Variants in PTN observed in about 807,000 individuals in gnomAD.
PTN encodes the protein heparin affin regulatory protein.
In PTN, 18 loss-of-function variants were observed where a neutral mutation model predicts 24.1. That is an observed-to-expected ratio of 0.75 (90% CI 0.52 to 1.11). PTN has a LOEUF of 1.11. Ranked by LOEUF, PTN falls within the 50% of genes least tolerant of loss-of-function variation. The pLI, the probability that PTN is intolerant of heterozygous loss-of-function variation, is 0.00. For missense variants in PTN, 163 were observed against 198.8 expected (o/e 0.82, Z 1.08); for synonymous variants, 78 against 68.6 (o/e 1.14, Z -0.67).
At chr7:137,284,386 T>G (rs977064436) in intron 1 of PTN, among the ~76,000 whole-genome samples, 2 of 152,126 alleles carry the variant, frequency 1.3e-5, no homozygotes, top group African/African-American at 2.4e-5. Flanking sequence ...TTTTCTTTCT[T>G]TTTTTCTAAC....
chr7:137,271,531 G>A (rs1270971179), intron 1 of PTN, among the ~76,000 whole-genome samples: 1 of 152,278 alleles, frequency 6.6e-6, no homozygotes, highest in East Asian at 1.9e-4. Context: ...AATACACTGG[G>A]TTTTCTCTTT....
At chr7:137,307,919 T>A (rs1473812278) in intron 1 of PTN, among the ~76,000 whole-genome samples, 1 of 152,114 alleles carries the variant, frequency 6.6e-6, no homozygotes, top group Non-Finnish European at 1.5e-5. Flanking sequence ...ATGCCATGAG[T>A]GAGAGGGAAA....
chr7:137,246,348 A>C (rs1470335448), intron 4 of PTN, among the ~76,000 whole-genome samples: 1 of 152,124 alleles, frequency 6.6e-6, no homozygotes, highest in African/African-American at 2.4e-5. Context: ...GCCTAGGGGC[A>C]CAGTAGGCTA....
At chr7:137,280,138 C>T (rs944142255) in intron 1 of PTN, among the ~76,000 whole-genome samples, 10 of 152,106 alleles carry the variant, frequency 6.6e-5, no homozygotes, top group Non-Finnish European at 1.5e-4. Context: ...AAGCATCTGA[C>T]ATATGTTAAA....
At chr7:137,247,933 T>C (rs1181219906) in intron 4 of PTN, among the ~76,000 whole-genome samples, 1 of 152,214 alleles carries the variant, frequency 6.6e-6, no homozygotes, top group Non-Finnish European at 1.5e-5. Context: ...AATTTAGAGT[T>C]AGACAAATCT....
intron 4 of PTN, among the ~76,000 whole-genome samples, chr7:137,230,031 T>A (rs181166722): frequency 1.3e-5 from 2 of 151,818 alleles, no homozygotes; most frequent in African/African-American, 4.8e-5. Context: ...CAGGAACTTG[T>A]TATCTTCTAG....
intron 1 of PTN, among the ~76,000 whole-genome samples, chr7:137,285,512 A>C (rs1809539204): frequency 6.6e-6 from 1 of 152,156 alleles, no homozygotes; most frequent in Admixed American, 6.5e-5. Context: ...CTAAAAATAC[A>C]AAAATTAGCC....
intron 1 of PTN, among the ~76,000 whole-genome samples, chr7:137,320,431 G>A (rs1273543884): frequency 6.6e-6 from 1 of 152,130 alleles, no homozygotes; most frequent in Non-Finnish European, 1.5e-5. Flanking sequence ...ACACTTCTAG[G>A]AAATTTAGTA....
At chr7:137,300,777 C>A (rs541787355) in intron 1 of PTN, among the ~76,000 whole-genome samples, 1 of 152,024 alleles carries the variant, frequency 6.6e-6, no homozygotes, top group African/African-American at 2.4e-5. Context: ...CTTTGATTTT[C>A]CCCTGACTCC....
At chr7:137,245,969 G>A (rs987869959) in intron 4 of PTN, among the ~76,000 whole-genome samples, 6 of 152,088 alleles carry the variant, frequency 3.9e-5, no homozygotes, top group African/African-American at 9.7e-5. Context: ...AATAGTTACC[G>A]TAAGCTAAGG....
chr7:137,232,051 T>C (rs1409712736), intron 4 of PTN, among the ~76,000 whole-genome samples: 1 of 151,960 alleles, frequency 6.6e-6, no homozygotes, highest in African/African-American at 2.4e-5. Flanking sequence ...ATAGGATTCC[T>C]ACCCTGATGT....
At chr7:137,319,754 G>A (rs1810132976) in intron 1 of PTN, among the ~76,000 whole-genome samples, 1 of 152,216 alleles carries the variant, frequency 6.6e-6, no homozygotes, top group South Asian at 2.1e-4. Flanking sequence ...GAATACTTTT[G>A]CCGGAATGGG....
In PTN at chr7:137,251,408, A is replaced by G; in HGVS notation, c.290-17T>C. On this transcript the variant is annotated splice_polypyrimidine_tract_variant and intron_variant, in intron 3 of 4. Transcript: ENST00000348225. ...TGCACTCCGCTAAAGGCAGGGTAGA[A>G]CCAAACAGAAATCCTTGAAAGATCC... The G allele has an allele frequency of 6.2e-7, 1 of 1,609,768 alleles. No homozygotes were observed. Among genetic ancestry groups the G allele is most frequent in the Non-Finnish European group, 8.5e-7 (1 of 1,177,072 alleles).
intron 1 of PTN, among the ~76,000 whole-genome samples, chr7:137,267,410 G>T (rs1237192643): frequency 6.6e-6 from 1 of 152,018 alleles, no homozygotes; most frequent in East Asian, 1.9e-4. Flanking sequence ...GGGGAAGGGG[G>T]TCTAAAACCA....
chr7:137,266,731 T>C (rs1207075476), intron 1 of PTN, among the ~76,000 whole-genome samples: 1 of 151,942 alleles, frequency 6.6e-6, no homozygotes, highest in Admixed American at 6.6e-5. Flanking sequence ...TAGAAGTTAC[T>C]ATAATACATG....
intron 4 of PTN, among the ~76,000 whole-genome samples, chr7:137,247,250 G>T (rs1385371118): frequency 1.3e-5 from 2 of 152,172 alleles, no homozygotes; most frequent in African/African-American, 4.8e-5. Context: ...TGATAGCTAA[G>T]ATTTGGAAGC....
chr7:137,262,431 A>G (rs1386812163), intron 1 of PTN, among the ~76,000 whole-genome samples: 1 of 151,952 alleles, frequency 6.6e-6, no homozygotes, highest in Non-Finnish European at 1.5e-5. Context: ...TGAGTTTTCT[A>G]ATTATAATTT....
intron 1 of PTN, among the ~76,000 whole-genome samples, chr7:137,332,849 G>A (rs1051956110): frequency 6.6e-6 from 1 of 152,126 alleles, no homozygotes; most frequent in Non-Finnish European, 1.5e-5. Flanking sequence ...AGATAATTCT[G>A]CTACTGGGCA....
chr7:137,292,118 C>T lies in PTN; in HGVS notation c.-1-37144G>A, dbSNP rs556472449. 2.0e-5 allele frequency among the ~76,000 whole-genome samples: 3 copies of T among 152,244 alleles called. No homozygotes were observed. In the East Asian group the frequency reaches 5.8e-4, roughly 29 times the overall value. Reference sequence around the variant, plus strand: ...TTTTGCCACTTTATGTTCATTGCCACTGATGTAAAATATGGTCATACCTTG... The same window carrying T: ...TTTTGCCACTTTATGTTCATTGCCATTGATGTAAAATATGGTCATACCTTG... On this transcript the variant is annotated intron_variant, in intron 1 of 4. Transcript: ENST00000348225.
Sources: gnomAD v4.1 joint callset for allele counts (sites outside exome capture counted in the v4.1 genomes callset) on GRCh38, gnomAD v4.1.1 for gene constraint, MANE v1.5 for transcripts, NCBI Gene and HGNC (gene_info 2026-07-23, HGNC 2026-07-21) for gene names.